DAB1: variants seen among roughly 807,000 people sequenced by gnomAD.
The protein encoded by DAB1 is disabled homolog 1.
A neutral mutation model predicts 64.6 loss-of-function variants in DAB1; 15 were observed. That is an observed-to-expected ratio of 0.23 (90% CI 0.16 to 0.36). The LOEUF is 0.36. Ranked by LOEUF, DAB1 falls within the 10% of genes least tolerant of loss-of-function variation. The probability of loss-of-function intolerance (pLI) is 1.00; values close to 1 mark genes in which losing one functional copy is unlikely to be tolerated. For missense variants in DAB1, 596 were observed against 706.7 expected, an observed-to-expected ratio of 0.84 and a Z score of 1.78; for synonymous variants, 235 against 251.9, an observed-to-expected ratio of 0.93 and a Z score of 0.64.
At chr1:57,862,224 G>C (rs542051596) in intron 1 of DAB1, among the ~76,000 whole-genome samples, 19 of 152,264 alleles carry the variant, frequency 1.2e-4, no homozygotes, top group African/African-American at 4.1e-4. Context: ...TCATGAAATA[G>C]ATAGTATTAT....
At chr1:58,064,604 G>C (rs1359592533) in intron 5 of DAB1, among the ~76,000 whole-genome samples, 1 of 152,210 alleles carries the variant, frequency 6.6e-6, no homozygotes, top group Non-Finnish European at 1.5e-5. Flanking sequence ...TGGCACTGCA[G>C]GGGACTCCAA....
intron 6 of DAB1, among the ~76,000 whole-genome samples, chr1:57,735,681 T>A (rs1307392462): frequency 6.6e-6 from 1 of 151,244 alleles, no homozygotes; most frequent in Non-Finnish European, 1.5e-5. Flanking sequence ...ATAAAACAAT[T>A]TCCTGGTATA....
At chr1:57,339,075 G>T (rs1404203492) in intron 1 of DAB1, among the ~76,000 whole-genome samples, 1 of 151,822 alleles carries the variant, frequency 6.6e-6, no homozygotes, top group African/African-American at 2.4e-5. Context: ...GGACATGTCT[G>T]TTACTGTAAT....
At chr1:58,376,738 G>A (rs1644331200) in intron 3 of DAB1, among the ~76,000 whole-genome samples, 1 of 118,972 alleles carries the variant, frequency 8.4e-6, no homozygotes, top group African/African-American at 3.3e-5. Context: ...TATCCTTGTT[G>A]ACTTTCTGTC....
intron 5 of DAB1, among the ~76,000 whole-genome samples, chr1:57,953,320 T>C (rs533694296): frequency 2.5e-4 from 38 of 152,312 alleles, no homozygotes; most frequent in African/African-American, 9.1e-4. Context: ...AACTGGAAAC[T>C]ACATACTTGA....
At chr1:58,130,447 G>C (rs1270244173) in intron 5 of DAB1, among the ~76,000 whole-genome samples, 1 of 151,960 alleles carries the variant, frequency 6.6e-6, no homozygotes, top group African/African-American at 2.4e-5. Flanking sequence ...GGAGAATTTA[G>C]TCCATTTACA....
At chr1:57,528,800 G>A (rs554011023) in intron 7 of DAB1, among the ~76,000 whole-genome samples, 18 of 152,008 alleles carry the variant, frequency 1.2e-4, no homozygotes, top group African/African-American at 3.1e-4. Flanking sequence ...CCTGTCAATC[G>A]AAAATTCTCT....
intron 1 of DAB1, among the ~76,000 whole-genome samples, chr1:58,538,419 T>A (rs1308813867): frequency 6.6e-6 from 1 of 152,210 alleles, no homozygotes; most frequent in Non-Finnish European, 1.5e-5. Flanking sequence ...TGTTTGTAAG[T>A]ACTCTTCTTA....
chr1:57,162,767 G>A (rs1660877312), intron 2 of DAB1, among the ~76,000 whole-genome samples: 1 of 152,228 alleles, frequency 6.6e-6, no homozygotes, highest in African/African-American at 2.4e-5. Context: ...CAAGAGTGCT[G>A]TGTTATACTA....
At chr1:57,753,849 T>C (rs1648667540) in intron 6 of DAB1, among the ~76,000 whole-genome samples, 2 of 152,234 alleles carry the variant, frequency 1.3e-5, no homozygotes. Flanking sequence ...GATCTTCCAA[T>C]GTTAGAAGTG....
At chr1:57,294,368 C>G (rs1358762208) in intron 1 of DAB1, among the ~76,000 whole-genome samples, 2 of 152,112 alleles carry the variant, frequency 1.3e-5, no homozygotes, top group Non-Finnish European at 2.9e-5. Flanking sequence ...TACAGACATT[C>G]TGTCTAGTGA....
chr1:57,409,339 G>C (rs1683913748), intron 1 of DAB1, among the ~76,000 whole-genome samples: 1 of 152,164 alleles, frequency 6.6e-6, no homozygotes, highest in South Asian at 2.1e-4. Flanking sequence ...CTATTAAGCT[G>C]GTATGGATCT....
chr1:57,405,394 C>G (rs951934936), intron 1 of DAB1, among the ~76,000 whole-genome samples: 5 of 152,210 alleles, frequency 3.3e-5, no homozygotes, highest in Non-Finnish European at 7.3e-5. Context: ...CAATGTACCC[C>G]TTGGTATATT....
chr1:58,257,319 A>C (rs993660755), intron 4 of DAB1, among the ~76,000 whole-genome samples: 4 of 152,180 alleles, frequency 2.6e-5, no homozygotes, highest in African/African-American at 9.7e-5. Flanking sequence ...TCTACAGATG[A>C]CCTTGCAGCT....
At chr1:57,299,206 T>G (rs188020874) in intron 1 of DAB1, among the ~76,000 whole-genome samples, 4 of 152,348 alleles carry the variant, frequency 2.6e-5, no homozygotes, top group African/African-American at 7.2e-5. Flanking sequence ...TGCTACACAG[T>G]ATCTGATGGT....
intron 7 of DAB1, among the ~76,000 whole-genome samples, chr1:57,615,908 C>G (rs1408685406): frequency 3.3e-5 from 5 of 152,140 alleles, no homozygotes; most frequent in Non-Finnish European, 5.9e-5. Flanking sequence ...GAAATACTAT[C>G]GTCATAGCTG....
intron 2 of DAB1, among the ~76,000 whole-genome samples, chr1:57,273,541 GCCTGCCTGCCTGCCTTCCTTCCTT>G (rs1284764079): frequency 1.5e-5 from 1 of 66,214 alleles, no homozygotes; most frequent in African/African-American, 5.6e-5. Context: ...CTGCCTGCCT[GCCTGCCTGCCTGCCTTCCTTCCTT>G]CCTTCCTTCC....
intron 5 of DAB1, among the ~76,000 whole-genome samples, chr1:58,073,551 A>G (rs2100576205): frequency 6.6e-6 from 1 of 152,342 alleles, no homozygotes; most frequent in East Asian, 1.9e-4. Context: ...CTTCTGAAAC[A>G]TAGTAAGTCC....
chr1:57,415,033 G>C (rs1262417533), intron 1 of DAB1, among the ~76,000 whole-genome samples: 1 of 152,066 alleles, frequency 6.6e-6, no homozygotes. Context: ...GAAGAAAACA[G>C]CCCAAGAAAA....
Sources: allele counts gnomAD v4.1 joint callset (sites outside exome capture counted in the v4.1 genomes callset), GRCh38; gene constraint gnomAD v4.1.1; transcripts MANE v1.5; gene names NCBI Gene and HGNC (gene_info 2026-07-23, HGNC 2026-07-21).